ASAP1: variants seen among roughly 807,000 people sequenced by gnomAD.
ASAP1 encodes the protein ArfGAP with SH3 domain, ankyrin repeat and PH domain 1, also known as arf-GAP with SH3 domain, ANK repeat and PH domain-containing protein 1.
In ASAP1, 43 loss-of-function variants were observed where a neutral mutation model predicts 145.2. That is an observed-to-expected ratio of 0.30 (90% CI 0.23 to 0.38). The LOEUF (loss-of-function observed/expected upper bound fraction) is 0.38, where lower values mean the gene tolerates loss of function less well. ASAP1 is among the 10% of genes least tolerant of loss of function. The pLI is 1.00. For synonymous variants in ASAP1, 546 were observed against 515.5 expected, an observed-to-expected ratio of 1.06 and a Z score of -0.80; for missense variants, 1,018 against 1,355.3, an observed-to-expected ratio of 0.75 and a Z score of 3.91.
chr8:130,303,943 A>G (rs543579604), intron 3 of ASAP1, among the ~76,000 whole-genome samples: 1 of 152,318 alleles, frequency 6.6e-6, no homozygotes, highest in South Asian at 2.1e-4. Context: ...TGTCATGGTT[A>G]ATGAATCAGT....
intron 3 of ASAP1, among the ~76,000 whole-genome samples, chr8:130,242,167 C>T (rs1458096814): frequency 2.7e-5 from 4 of 148,498 alleles, no homozygotes; most frequent in Admixed American, 6.8e-5. Context: ...GCTATCATTA[C>T]TCTCACCTCA....
intron 5 of ASAP1, among the ~76,000 whole-genome samples, chr8:130,202,739 C>T (rs149145707): frequency 3.0e-4 from 46 of 152,260 alleles, no homozygotes; most frequent in African/African-American, 1.1e-3. Flanking sequence ...ATGAATCTGC[C>T]TCAGGTGACC....
At chr8:130,169,139 T>TA in intron 9 of ASAP1, 72 bp from the exon 10 acceptor site, 1 of 936,076 alleles carries the variant, frequency 1.1e-6, no homozygotes, top group Admixed American at 2.5e-5. Flanking sequence ...TATGTGGAAA[T>TA]AAAAAAAGGA....
intron 3 of ASAP1, among the ~76,000 whole-genome samples, chr8:130,329,815 T>G (rs2137773729): frequency 6.6e-6 from 1 of 152,320 alleles, no homozygotes; most frequent in South Asian, 2.1e-4. Flanking sequence ...ATGGCACCAT[T>G]CTAAGTTCTC....
In ASAP1 at chr8:130,054,092, T is replaced by C. The variant is rs2097398493; in HGVS notation, c.*639A>G. The C allele has an allele frequency of 6.5e-6, 1 of 152,780 alleles. No homozygotes were observed. 9.5% of individuals were successfully genotyped at this position (152,780 alleles called of 1,614,324 possible). On this transcript the variant is annotated 3_prime_UTR_variant, in exon 30 of 30. Coordinates refer to ENST00000518721, the MANE Select transcript of ASAP1 (RefSeq NM_018482.4). ...GCGGGCACTCATAAGACAGTATAAATCCACTTGTCTAAACTTGCATGAGGC... is the reference window on the plus strand; with the variant it reads ...GCGGGCACTCATAAGACAGTATAAACCCACTTGTCTAAACTTGCATGAGGC...
intron 3 of ASAP1, among the ~76,000 whole-genome samples, chr8:130,348,089 T>C (rs1825799413): frequency 6.6e-6 from 1 of 152,198 alleles, no homozygotes; most frequent in Admixed American, 6.5e-5. Flanking sequence ...TAGTCCTCAC[T>C]ATACTTACAG....
At chr8:130,182,773 T>C (rs2136186987) in intron 7 of ASAP1, among the ~76,000 whole-genome samples, 1 of 146,536 alleles carries the variant, frequency 6.8e-6, no homozygotes, top group South Asian at 2.1e-4. Flanking sequence ...CAAAATGTCA[T>C]TAAATCTTCA....
intron 3 of ASAP1, among the ~76,000 whole-genome samples, chr8:130,353,833 T>G (rs1410791204): frequency 2.0e-5 from 3 of 151,844 alleles, no homozygotes; most frequent in Non-Finnish European, 4.4e-5. Flanking sequence ...ATCGCACCAC[T>G]GCACTGCAGC....
intron 11 of ASAP1, among the ~76,000 whole-genome samples, chr8:130,163,765 G>A (rs2097674413): frequency 6.6e-6 from 1 of 152,196 alleles, no homozygotes; most frequent in Non-Finnish European, 1.5e-5. Flanking sequence ...AGTGTTAACG[G>A]AAATTATGTA....
At chr8:130,170,171 T>C (rs1813486960) in intron 9 of ASAP1, among the ~76,000 whole-genome samples, 1 of 145,498 alleles carries the variant, frequency 6.9e-6, no homozygotes, top group Admixed American at 7.1e-5. Context: ...TGAAGCAATA[T>C]CAAGACATTT....
In ASAP1 at chr8:130,128,044, C is replaced by T. The variant is rs1225296003; in HGVS notation, c.1264G>A (p.Ala422Thr). ...TNSKEEALTM[A>T]FRGEQSAGEN... is the part of the protein sequence containing the mutation. ...CCCGCACTCTGCTCTCCACGGAAGG[C>T]CATGGTTAGGGCCTCTTCTTTGCTA... Residue 422 changes from alanine (A) to threonine (T), a missense_variant, in exon 16 of 30, where the codon GCC becomes ACC. Ala to Thr is a moderately conservative substitution (Grantham distance 58, BLOSUM62 0). Around this residue, in one of 9 missense-constraint regions of ASAP1, gnomAD observed 153 missense variants for 221.6 expected, o/e 0.69. Coordinates refer to ENST00000518721, the MANE Select transcript of ASAP1 (RefSeq NM_018482.4). 1.9e-6 allele frequency: 3 copies of T among 1,612,858 alleles called. No individual in the cohort carries two copies. In the African/African-American group the frequency reaches 4.0e-5, roughly 22 times the overall value.
At chr8:130,279,155 G>A (rs1418904422) in intron 3 of ASAP1, among the ~76,000 whole-genome samples, 1 of 151,886 alleles carries the variant, frequency 6.6e-6, no homozygotes, top group Admixed American at 6.6e-5. Context: ...AGACAGAGAG[G>A]GGAAAAAAAA....
intron 3 of ASAP1, among the ~76,000 whole-genome samples, chr8:130,300,977 AT>A (rs1428191475): frequency 6.6e-6 from 1 of 152,192 alleles, no homozygotes; most frequent in Non-Finnish European, 1.5e-5. Context: ...GAAGGCACAT[AT>A]TGCTATCGCT....
chr8:130,097,024 G>A (rs1034090301), intron 24 of ASAP1, among the ~76,000 whole-genome samples: 1 of 149,648 alleles, frequency 6.7e-6, no homozygotes, highest in African/African-American at 2.5e-5. Context: ...TACTTGGGAG[G>A]CTGAGGCAGG....
At chr8:130,312,511 C>T (rs932987774) in intron 3 of ASAP1, among the ~76,000 whole-genome samples, 8 of 152,126 alleles carry the variant, frequency 5.3e-5, no homozygotes, top group Non-Finnish European at 1.2e-4. Context: ...CGTAGCAACT[C>T]CAGGGGGCCT....
chr8:130,325,681 G>A (rs773436113), intron 3 of ASAP1, among the ~76,000 whole-genome samples: 14 of 152,174 alleles, frequency 9.2e-5, no homozygotes, highest in Non-Finnish European at 1.6e-4. Flanking sequence ...AGAATGAAGT[G>A]TTATAACTGT....
intron 27 of ASAP1, 37 bp downstream of exon 27, chr8:130,076,311 T>C: frequency 6.5e-7 from 1 of 1,546,068 alleles, no homozygotes; most frequent in Non-Finnish European, 8.9e-7. Context: ...GTAGTGACAC[T>C]TTAATTACAT....
intron 4 of ASAP1, among the ~76,000 whole-genome samples, chr8:130,229,090 C>T (rs910753945): frequency 1.3e-5 from 2 of 152,186 alleles, no homozygotes; most frequent in African/African-American, 2.4e-5. Flanking sequence ...TCTAAATGTT[C>T]TGTCTTATGG....
chr8:130,350,980 T>C (rs1825961482), intron 3 of ASAP1, among the ~76,000 whole-genome samples: 1 of 152,222 alleles, frequency 6.6e-6, no homozygotes, highest in African/African-American at 2.4e-5. Context: ...CATTTTCACA[T>C]CTGCCCAGTC....
Sources: allele counts gnomAD v4.1 joint callset (sites outside exome capture counted in the v4.1 genomes callset), GRCh38; gene constraint gnomAD v4.1.1; regional missense constraint gnomAD v4.1.1; transcripts MANE v1.5; gene names NCBI Gene and HGNC (gene_info 2026-07-23, HGNC 2026-07-21).